The following PCDHGA1 variants were observed in gnomAD, a reference collection of about 807,000 sequenced individuals.
PCDHGA1 encodes the protein protocadherin gamma subfamily A, 1, also known as protocadherin gamma-A1.
Under a neutral mutation model 58.0 loss-of-function variants are expected in PCDHGA1, and 32 were observed. The ratio of observed to expected loss-of-function variants is 0.55; its 90% CI spans 0.42 to 0.74. The LOEUF is 0.74. PCDHGA1 is among the 30% of genes least tolerant of loss of function. The probability of loss-of-function intolerance (pLI) is 0.00; values close to 1 mark genes in which losing one functional copy is unlikely to be tolerated. For missense variants in PCDHGA1, 1,205 were observed against 1,182.3 expected, an observed-to-expected ratio of 1.02 and a Z score of -0.28; for synonymous variants, 498 against 501.1, an observed-to-expected ratio of 0.99 and a Z score of 0.08.
At chr5:141,357,084 C>T (rs1399515564) in intron 1 of PCDHGA1, 4 of 1,613,912 alleles carry the variant, frequency 2.5e-6, no homozygotes, top group South Asian at 2.2e-5. Flanking sequence ...AGGTGCGCAC[C>T]GCACGGGCCC....
rs781601310 is a variant in PCDHGA1 at position 141,331,147 on chromosome 5, C to T, written c.463C>T (p.Pro155Ser). 5 of 1,614,002 alleles carry T rather than the reference C, an allele frequency of 3.1e-6. No individual in the cohort carries two copies. The highest frequency in any genetic ancestry group is 1.7e-6 in the Non-Finnish European group (2 of 1,180,038). ...ITTPGTRVSL[P>S]FGQDLDVGMN... ...GACTCCAGGTACCAGAGTCTCATTG[C>T]CTTTTGGGCAAGACCTTGATGTGGG... Residue 155 changes from proline (P) to serine (S), a missense_variant, in exon 1 of 4, where the codon CCT becomes TCT. Physicochemically the swap from Pro to Ser is moderately conservative, Grantham distance 74 (BLOSUM62 -1). Coordinates refer to ENST00000517417, the MANE Select transcript of PCDHGA1 (RefSeq NM_018912.3).
intron 1 of PCDHGA1, chr5:141,478,884 C>T (rs767294994): frequency 9.2e-5 from 110 of 1,194,180 alleles, no homozygotes; most frequent in Non-Finnish European, 1.2e-4. Context: ...AGCTTGGTAT[C>T]ATTTACATTA....
At chr5:141,464,676 T>A (rs1337677151) in intron 1 of PCDHGA1, among the ~76,000 whole-genome samples, 1 of 152,176 alleles carries the variant, frequency 6.6e-6, no homozygotes. Flanking sequence ...ATAATTTTAA[T>A]TAAAATTTCT....
rs6883529 is a variant in PCDHGA1, at chr5:141,427,618, A to G, written c.2422-67189A>G. On this transcript the variant is annotated intron_variant, in intron 1 of 3. Coordinates refer to ENST00000517417, the MANE Select transcript of PCDHGA1 (RefSeq NM_018912.3). ...ACCCTACGCATTGGTGAAGTCAACG[A>G]CAATGCTCCGGTTTTCCACCAAGTC... The G allele has an allele frequency of 3.3e-3, 2,299 of 695,914 alleles. 37 individuals are homozygous for G. In the African/African-American group the frequency reaches 0.033, roughly 10 times the overall value. 43.1% of individuals were successfully genotyped at this position (695,914 alleles called of 1,614,324 possible).
chr5:141,423,552 C>A, intron 1 of PCDHGA1: 2 of 1,613,720 alleles, frequency 1.2e-6, no homozygotes, highest in Non-Finnish European at 1.7e-6. Context: ...CCCAGCCCAA[C>A]TATGGGGACA....
In PCDHGA1 at chr5:141,388,210, T is replaced by C. The variant is rs1589055013; in HGVS notation, c.2421+55105T>C. ...GCTTGTGCTCTGGAATTTGAGGCTG[T>C]TGCTGAAAATCCACTGAACTTTTAT... On this transcript the variant is annotated intron_variant, in intron 1 of 3. Transcript: ENST00000517417. 1.9e-6 allele frequency: 3 copies of C among 1,587,862 alleles called. No homozygotes were observed. Among genetic ancestry groups the C allele is most frequent in the Non-Finnish European group, 2.6e-6 (3 of 1,159,126 alleles).
intron 1 of PCDHGA1, chr5:141,390,100 C>G: frequency 6.2e-7 from 1 of 1,614,060 alleles, no homozygotes; most frequent in South Asian, 1.1e-5. Context: ...GTGGTTCCCC[C>G]CAACTACAGC....
At chr5:141,344,980 A>T (rs1757500081) in intron 1 of PCDHGA1, 2 of 1,613,920 alleles carry the variant, frequency 1.2e-6, no homozygotes, top group Non-Finnish European at 1.7e-6. Context: ...ATGTTCTATG[A>T]AATTAAAATT....
chr5:141,388,004 A>G, intron 1 of PCDHGA1: 1 of 1,482,610 alleles, frequency 6.7e-7, no homozygotes, highest in Non-Finnish European at 9.1e-7. Context: ...TTCCCGAGGA[A>G]ATGCCCAAGG....
At chr5:141,419,471 G>A in intron 1 of PCDHGA1, 1 of 1,612,462 alleles carries the variant, frequency 6.2e-7, no homozygotes, top group Non-Finnish European at 8.5e-7. Context: ...CCGCGACCAG[G>A]GCTCGCCCGC....
chr5:141,415,883 G>A (rs2095968409), intron 1 of PCDHGA1: 1 of 983,982 alleles, frequency 1.0e-6, no homozygotes, highest in African/African-American at 1.7e-5. Context: ...GTACAATATT[G>A]ACAATTCCTA....
intron 1 of PCDHGA1, chr5:141,418,829 C>A: frequency 1.9e-6 from 3 of 1,613,856 alleles, no homozygotes; most frequent in Non-Finnish European, 1.7e-6. Context: ...AGCAAAAGAC[C>A]GAGGATCTCT....
At chr5:141,355,891 A>G in intron 1 of PCDHGA1, 2 of 1,613,550 alleles carry the variant, frequency 1.2e-6, no homozygotes, top group Non-Finnish European at 1.7e-6. Flanking sequence ...GATTCTCATA[A>G]TACTTGTGGA....
chr5:141,421,118 T>C (rs572827470), intron 1 of PCDHGA1: 2 of 771,948 alleles, frequency 2.6e-6, no homozygotes, highest in Non-Finnish European at 2.0e-6. Context: ...GTATTTTCCT[T>C]CGCTTTCTGA....
At chr5:141,413,451 CA>C (rs1561742676) in intron 1 of PCDHGA1, 1 of 1,614,118 alleles carries the variant, frequency 6.2e-7, no homozygotes, top group East Asian at 2.2e-5. Context: ...TCACCGCGGG[CA>C]GGATAGACCG....
intron 1 of PCDHGA1, chr5:141,371,397 A>G: frequency 6.2e-7 from 1 of 1,614,004 alleles, no homozygotes; most frequent in Non-Finnish European, 8.5e-7. Flanking sequence ...TAAAGTACAG[A>G]TAGATATTTC....
At position 141,351,769 on chromosome 5, in the gene PCDHGA1, G is replaced by A. The variant is rs549456663; in HGVS notation, c.2421+18664G>A. On this transcript the variant is annotated intron_variant, in intron 1 of 3. Transcript: ENST00000517417. ...GGGAGCTGTTGTCCTACGTGTCCGT[G>A]AGCCCGCAGAGCGGGGTGGTGTTCG... is the stretch of plus-strand genomic sequence containing the variant. 2.3e-4 allele frequency: 371 copies of A among 1,613,496 alleles called. 3 individuals are homozygous for A. In the East Asian group the frequency reaches 7.5e-3, roughly 32 times the overall value.
intron 1 of PCDHGA1, chr5:141,393,121 T>C: frequency 6.2e-7 from 1 of 1,613,428 alleles, no homozygotes; most frequent in Non-Finnish European, 8.5e-7. Context: ...CCGCGGTGTC[T>C]GATAAATATT....
At chr5:141,428,058 G>A (rs752468507) in intron 1 of PCDHGA1, 4 of 1,609,140 alleles carry the variant, frequency 2.5e-6, no homozygotes, top group South Asian at 1.1e-5. Flanking sequence ...GGTGGTGGCG[G>A]TGGACGCAGA....
Sources: allele counts gnomAD v4.1 joint callset (sites outside exome capture counted in the v4.1 genomes callset), GRCh38; gene constraint gnomAD v4.1.1; transcripts MANE v1.5; gene names NCBI Gene and HGNC (gene_info 2026-07-23, HGNC 2026-07-21).